PTPRG: variants seen among roughly 807,000 people sequenced by gnomAD.
The protein encoded by PTPRG is protein tyrosine phosphatase receptor type G.
Under a neutral mutation model 165.3 loss-of-function variants are expected in PTPRG, and 102 were observed. The observed-to-expected ratio is 0.62, with a 90% CI of 0.53 to 0.73. PTPRG has a LOEUF of 0.73. Ranked by LOEUF, PTPRG falls within the 30% of genes least tolerant of loss-of-function variation. The probability of loss-of-function intolerance (pLI) is 0.00; values close to 1 mark genes in which losing one functional copy is unlikely to be tolerated. For missense variants in PTPRG, 1,866 were observed against 1,861.4 expected, an observed-to-expected ratio of 1.00 and a Z score of -0.05; for synonymous variants, 675 against 669.5, an observed-to-expected ratio of 1.01 and a Z score of -0.13.
intron 4 of PTPRG, among the ~76,000 whole-genome samples, chr3:62,067,434 T>C (rs545594781): frequency 6.6e-6 from 1 of 152,250 alleles, no homozygotes; most frequent in Non-Finnish European, 1.5e-5. Flanking sequence ...GAAGACAATT[T>C]TTCCACGGAC....
In PTPRG at chr3:62,126,369, A is replaced by T. The variant is rs763317150; in HGVS notation, c.616-6233A>T. On this transcript the variant is annotated intron_variant, in intron 5 of 29. Coordinates refer to ENST00000474889, the MANE Select transcript of PTPRG (RefSeq NM_002841.4). ...GAGATGAATAACCTGTGAATTAACT[A>T]GTTTCCATTAATATTATGAATTAAC... Among the ~76,000 whole-genome samples, 20 of 152,348 alleles carry T rather than the reference A, an allele frequency of 1.3e-4. No individual in the cohort carries two copies. The East Asian group carries it at 2.1e-3, about 16-fold the overall frequency.
chr3:62,192,155 G>C (rs1383360038), intron 9 of PTPRG, among the ~76,000 whole-genome samples: 1 of 151,920 alleles, frequency 6.6e-6, no homozygotes, highest in Admixed American at 6.6e-5. Flanking sequence ...TGTCACATTT[G>C]TTCTGCCTTA....
At chr3:61,793,686 C>A (rs17628015) in intron 2 of PTPRG, among the ~76,000 whole-genome samples, 11,484 of 152,162 alleles carry the variant, frequency 0.075, 697 homozygotes, top group Non-Finnish European at 0.1. Flanking sequence ...CCAGCCAAGA[C>A]CTTAACTTGC....
intron 1 of PTPRG, among the ~76,000 whole-genome samples, chr3:61,615,913 C>CT (rs1224175010): frequency 2.0e-5 from 3 of 152,140 alleles, no homozygotes; most frequent in African/African-American, 4.8e-5. Flanking sequence ...CCAAAGAGCT[C>CT]TGATTTCTTT....
At chr3:62,154,776 G>T (rs1400495802) in intron 6 of PTPRG, among the ~76,000 whole-genome samples, 2 of 152,116 alleles carry the variant, frequency 1.3e-5, no homozygotes, top group Non-Finnish European at 2.9e-5. Context: ...TAGCCATTCG[G>T]CCTGGATCCC....
intron 4 of PTPRG, among the ~76,000 whole-genome samples, chr3:62,021,642 A>G (rs1303625483): frequency 6.6e-6 from 1 of 152,134 alleles, no homozygotes; most frequent in Non-Finnish European, 1.5e-5. Context: ...GCGCTTGTCT[A>G]CCTTTACCTT....
At chr3:62,142,563 TG>T (rs1703971174) in intron 6 of PTPRG, among the ~76,000 whole-genome samples, 1 of 152,284 alleles carries the variant, frequency 6.6e-6, no homozygotes, top group Admixed American at 6.5e-5. Flanking sequence ...TGCTTTCCTC[TG>T]GGACACATCA....
chr3:62,026,305 A>G (rs1323789434), intron 4 of PTPRG, among the ~76,000 whole-genome samples: 1 of 152,230 alleles, frequency 6.6e-6, no homozygotes, highest in Non-Finnish European at 1.5e-5. Flanking sequence ...TGTTCTTGAC[A>G]TTCAAGTGTT....
intron 6 of PTPRG, among the ~76,000 whole-genome samples, chr3:62,148,449 A>T (rs984819897): frequency 3.9e-5 from 6 of 152,114 alleles, no homozygotes; most frequent in Non-Finnish European, 5.9e-5. Flanking sequence ...CAGTGTCAGG[A>T]TTAGTTTTAC....
At chr3:61,578,028 G>A (rs1379817683) in intron 1 of PTPRG, among the ~76,000 whole-genome samples, 3 of 152,186 alleles carry the variant, frequency 2.0e-5, no homozygotes, top group Non-Finnish European at 4.4e-5. Context: ...TTTGGCACAG[G>A]CCTTGGCATC....
At position 62,222,702 on chromosome 3, in the gene PTPRG, G is replaced by A. The variant is rs1700676939; in HGVS notation, c.2288+3719G>A. Among the ~76,000 whole-genome samples, 1 of 152,178 alleles carries A rather than the reference G, an allele frequency of 6.6e-6. No homozygotes were observed. ...AAAAGTGAGTAGAAGGTTCAGCTAA[G>A]TATTCTGTTACTTAAAAAATTATAA... On this transcript the variant is annotated intron_variant, in intron 13 of 29. Transcript: ENST00000474889. The surrounding 1 kb of genome is among the most constrained non-coding windows in gnomAD (Gnocchi z 4.5).
At position 61,989,812 on chromosome 3, in the gene PTPRG, A is replaced by T; in HGVS notation, c.370+8A>T. ...AAAACACAGGGAAAACAGGTAGACA[A>T]TGGCTTCTTTATTTGTCCACAGAGC... On this transcript the variant is annotated splice_region_variant and intron_variant, in intron 3 of 29. Coordinates refer to ENST00000474889, the MANE Select transcript of PTPRG (RefSeq NM_002841.4). 6 of 1,613,486 alleles carry T rather than the reference A, an allele frequency of 3.7e-6. No homozygotes were observed. Among genetic ancestry groups the T allele is most frequent in the Non-Finnish European group, 5.1e-6 (6 of 1,179,684 alleles).
intron 2 of PTPRG, among the ~76,000 whole-genome samples, chr3:61,862,507 C>T (rs980519662): frequency 6.6e-6 from 1 of 151,850 alleles, no homozygotes; most frequent in Non-Finnish European, 1.5e-5. Flanking sequence ...CCTGCCTCAG[C>T]CTCCCGAGTA....
chr3:62,167,884 TGCTTTGGACCAAATA>T, intron 7 of PTPRG, 72 bp from the exon 8 acceptor site: 2 of 1,373,546 alleles, frequency 1.5e-6, no homozygotes, highest in South Asian at 1.2e-5. Context: ...CACCTTCACC[TGCTTTGGACCAAATA>T]GCTTTTCTAA....
At chr3:62,117,546 G>A (rs1241591067) in intron 5 of PTPRG, among the ~76,000 whole-genome samples, 2 of 152,114 alleles carry the variant, frequency 1.3e-5, no homozygotes, top group African/African-American at 4.8e-5. Flanking sequence ...AACTTGTGCA[G>A]TTTTTTATCA....
intron 2 of PTPRG, among the ~76,000 whole-genome samples, chr3:61,881,042 G>T (rs1439501677): frequency 6.9e-6 from 1 of 144,942 alleles, no homozygotes; most frequent in Non-Finnish European, 1.5e-5. Context: ...AATATCATTT[G>T]TGGCCCTGTC....
In PTPRG at chr3:62,203,566, G is replaced by T; in HGVS notation, c.1771G>T (p.Gly591Trp). 1 of 1,552,784 alleles carries T rather than the reference G, an allele frequency of 6.4e-7. No individual in the cohort carries two copies. Among genetic ancestry groups the T allele is most frequent in the South Asian group, 1.2e-5 (1 of 84,210 alleles). Residue 591 changes from glycine to tryptophan, a missense_variant, in exon 12 of 30, where the codon GGG (glycine) becomes TGG (tryptophan). Physicochemically the swap from Gly to Trp is radical, Grantham distance 184. This residue lies in a region of PTPRG where 1,452 missense variants were observed against 1,463.0 expected (regional missense o/e 0.99). Coordinates refer to ENST00000474889, the MANE Select transcript of PTPRG (RefSeq NM_002841.4). This position sits in a 1 kb window ranked among gnomAD's most constrained non-coding sequence, Gnocchi z 6.4. ...EKDEKSESED[G>W]EREHEEDGEK... is the part of the protein sequence containing the mutation. ...GGATGAGAAAAGCGAGAGTGAGGAT[G>T]GGGAGCGGGAGCACGAGGAGGATGG...
intron 2 of PTPRG, among the ~76,000 whole-genome samples, chr3:61,918,583 T>A (rs2038999824): frequency 6.6e-6 from 1 of 152,142 alleles, no homozygotes; most frequent in Non-Finnish European, 1.5e-5. Flanking sequence ...CTCCTTATAT[T>A]TAGTAAAAGC....
At chr3:62,088,045 A>G (rs902534552) in intron 5 of PTPRG, among the ~76,000 whole-genome samples, 1 of 152,212 alleles carries the variant, frequency 6.6e-6, no homozygotes, top group Admixed American at 6.5e-5. Context: ...TGGGGTAAAG[A>G]TTTGAACTTT....
Sources: allele counts gnomAD v4.1 joint callset (sites outside exome capture counted in the v4.1 genomes callset), GRCh38; gene constraint gnomAD v4.1.1; regional missense constraint gnomAD v4.1.1; non-coding constraint Gnocchi (gnomAD v3.1); transcripts MANE v1.5; gene names NCBI Gene and HGNC (gene_info 2026-07-23, HGNC 2026-07-21).